JAK2: variants seen among roughly 807,000 people sequenced by gnomAD.
The protein encoded by JAK2 is Janus kinase 2.
In JAK2, 86 loss-of-function variants were observed where a neutral mutation model predicts 139.3. The ratio of observed to expected loss-of-function variants is 0.62; its 90% CI spans 0.52 to 0.74. JAK2 has a LOEUF of 0.74. Among genes scored for constraint, JAK2 ranks in the 30% least tolerant of loss-of-function variants. JAK2 has a pLI of 0.00. For synonymous variants in JAK2, 490 were observed against 437.7 expected, an observed-to-expected ratio of 1.12 and a Z score of -1.49; for missense variants, 1,421 against 1,360.3, an observed-to-expected ratio of 1.04 and a Z score of -0.70.
intron 4 of JAK2, 23 bp from the exon 5 acceptor site, chr9:5,044,380 C>G (rs1471599955): frequency 5.4e-6 from 8 of 1,471,994 alleles, no homozygotes; most frequent in Non-Finnish European, 7.6e-6. Context: ...GGAAGCTGAC[C>G]AAATGTTTTT....
At chr9:5,009,905 G>C (rs78326201) in intron 2 of JAK2, among the ~76,000 whole-genome samples, 1 of 151,960 alleles carries the variant, frequency 6.6e-6, no homozygotes, top group South Asian at 2.1e-4. Context: ...CAAGTAGCTA[G>C]TACTACAGGT....
rs1287727660 is a variant in JAK2, at chr9:5,065,001, T to C, written c.1175T>C (p.Val392Ala). 1.9e-6 allele frequency: 3 copies of C among 1,607,062 alleles called. No homozygotes were observed. The highest frequency in any genetic ancestry group is 2.5e-6 in the Non-Finnish European group (3 of 1,176,660). Residue 392 changes from valine (V) to alanine (A), a missense_variant, in exon 9 of 25, where the codon GTG becomes GCG. Transcript: ENST00000381652. The part of the protein sequence containing the change: ...YLCKEVAPPA[V>A]LENIQSNCHG... ...TGTAAAGAAGTAGCACCTCCAGCCG[T>C]GCTTGAAAATATACAAAGCAACTGT...
chr9:5,020,375 G>A (rs1165258861), intron 2 of JAK2, among the ~76,000 whole-genome samples: 1 of 152,176 alleles, frequency 6.6e-6, no homozygotes, highest in Non-Finnish European at 1.5e-5. Context: ...GTGGGGTGCT[G>A]AGCTGGGCAG....
chr9:5,041,513 C>A, intron 4 of JAK2: 1 of 562,688 alleles, frequency 1.8e-6, no homozygotes, highest in Admixed American at 2.2e-5. Context: ...ACACATAGCG[C>A]GCCACGCCCA....
intron 19 of JAK2, among the ~76,000 whole-genome samples, chr9:5,086,274 C>G (rs567605885): frequency 6.6e-6 from 1 of 152,136 alleles, no homozygotes; most frequent in African/African-American, 2.4e-5. Flanking sequence ...GGCCCGCGAT[C>G]CTCCTGCCAG....
intron 5 of JAK2, among the ~76,000 whole-genome samples, chr9:5,046,275 G>A (rs1461270639): frequency 6.6e-6 from 1 of 152,016 alleles, no homozygotes; most frequent in African/African-American, 2.4e-5. Flanking sequence ...TTTGTTTGTT[G>A]TTATATTATA....
intron 22 of JAK2, chr9:5,098,365 C>T (rs1294711377): frequency 6.6e-6 from 1 of 152,150 alleles, no homozygotes; most frequent in Non-Finnish European, 1.5e-5. Flanking sequence ...TCAATTAGGC[C>T]TTCAAGACGC....
At chr9:5,077,370 A>G (rs894041172) in intron 14 of JAK2, 83 bp from the exon 15 acceptor site, 3 of 474,350 alleles carry the variant, frequency 6.3e-6, no homozygotes, top group Non-Finnish European at 9.9e-6. Flanking sequence ...TAATGGTCAC[A>G]TGTAAGTATA....
intron 12 of JAK2, 131 bp downstream of exon 12, chr9:5,070,183 T>A (rs1401673362): frequency 3.7e-6 from 2 of 533,660 alleles, no homozygotes; most frequent in Non-Finnish European, 6.0e-6. Context: ...AATATTTTTC[T>A]TATGAAAAAT....
At position 5,080,527 on chromosome 9, in the gene JAK2, T is replaced by C. The variant is rs751892387; in HGVS notation, c.2284-6T>C. The C allele has an allele frequency of 7.0e-6, 11 of 1,578,682 alleles. No homozygotes were observed. Among genetic ancestry groups the C allele is most frequent in the Admixed American group, 2.0e-5 (1 of 49,756 alleles). On this transcript the variant is annotated splice_region_variant and splice_polypyrimidine_tract_variant and intron_variant, in intron 17 of 24. Coordinates refer to ENST00000381652, the MANE Select transcript of JAK2 (RefSeq NM_004972.4). ...TTATTCTCAGTTTGTGGTTCTTTAATTATAGAAGCTACAATTTTATGAAGA... is the reference window on the plus strand; with the variant it reads ...TTATTCTCAGTTTGTGGTTCTTTAACTATAGAAGCTACAATTTTATGAAGA...
At chr9:5,057,974 G>C (rs1300160653) in intron 8 of JAK2, among the ~76,000 whole-genome samples, 1 of 152,066 alleles carries the variant, frequency 6.6e-6, no homozygotes, top group Admixed American at 6.5e-5. Flanking sequence ...GCTTATTTCA[G>C]TTAGTATAAT....
At chr9:5,011,307 T>A (rs1003162439) in intron 2 of JAK2, among the ~76,000 whole-genome samples, 3 of 152,104 alleles carry the variant, frequency 2.0e-5, no homozygotes, top group South Asian at 4.1e-4. Flanking sequence ...TACCTCAGCC[T>A]CCCAAGTAGC....
intron 4 of JAK2, among the ~76,000 whole-genome samples, chr9:5,034,925 T>TA (rs1823463169): frequency 6.6e-6 from 1 of 151,952 alleles, no homozygotes; most frequent in African/African-American, 2.4e-5. Context: ...AAAAAACCCT[T>TA]CAAAAAAATC....
At chr9:5,114,413 C>G (rs149564924) in intron 22 of JAK2, 22 of 503,122 alleles carry the variant, frequency 4.4e-5, no homozygotes, top group Admixed American at 9.6e-5. Context: ...GAGACTGGAT[C>G]AAGGGGGAGA....
At chr9:4,989,142 T>C (rs1820113866) in intron 2 of JAK2, among the ~76,000 whole-genome samples, 1 of 152,222 alleles carries the variant, frequency 6.6e-6, no homozygotes, top group Non-Finnish European at 1.5e-5. Flanking sequence ...TTCCTGACTT[T>C]TAAGATAGTC....
chr9:5,080,687 T>C lies in JAK2; in HGVS notation c.2434+4T>C, dbSNP rs1228529312. The C allele has an allele frequency of 6.5e-7, 1 of 1,545,540 alleles. No homozygotes were observed. Among genetic ancestry groups the C allele is most frequent in the Non-Finnish European group, 8.7e-7 (1 of 1,151,676 alleles). ...CTTAACAGTTTGTTTACTCCAGGTA[T>C]GTATTTGAATGATCTTATTGATTTT... On this transcript the variant is annotated splice_donor_region_variant and intron_variant, in intron 18 of 24. Transcript: ENST00000381652.
At chr9:5,052,868 T>A (rs1271331058) in intron 6 of JAK2, among the ~76,000 whole-genome samples, 1 of 152,116 alleles carries the variant, frequency 6.6e-6, no homozygotes, top group Non-Finnish European at 1.5e-5. Context: ...TATATAGATA[T>A]ACCACATTTT....
At chr9:5,091,957 AATACTGTTAGTGATG>A (rs1422566193) in intron 22 of JAK2, among the ~76,000 whole-genome samples, 3 of 152,092 alleles carry the variant, frequency 2.0e-5, no homozygotes, top group African/African-American at 7.2e-5. Context: ...AAGTAGGGAT[AATACTGTTAGTGATG>A]AGGAATCCGG....
At position 5,126,315 on chromosome 9, in the gene JAK2, A is replaced by G; in HGVS notation, c.3178-18A>G. On this transcript the variant is annotated intron_variant, in intron 23 of 24. Coordinates refer to ENST00000381652, the MANE Select transcript of JAK2 (RefSeq NM_004972.4). ...CAAATTAAATGTACAAAAAATATTG[A>G]AAGTGGGTTTGTTTTAGGAATTTAT... 1 of 1,525,602 alleles carries G rather than the reference A, an allele frequency of 6.6e-7. No individual in the cohort carries two copies. Among genetic ancestry groups the G allele is most frequent in the Non-Finnish European group, 9.0e-7 (1 of 1,113,242 alleles). 94.5% of individuals were successfully genotyped at this position (1,525,602 alleles called of 1,614,324 possible). A position where few individuals can be genotyped will look rare whatever the true frequency, so the allele number is the denominator to read the frequency against.
Sources: gnomAD v4.1 joint callset for allele counts (sites outside exome capture counted in the v4.1 genomes callset) on GRCh38, gnomAD v4.1.1 for gene constraint, MANE v1.5 for transcripts, NCBI Gene and HGNC (gene_info 2026-07-23, HGNC 2026-07-21) for gene names.